The following VIPR2 variants were observed in gnomAD, a reference collection of about 807,000 sequenced individuals.
The protein encoded by VIPR2 is vasoactive intestinal polypeptide receptor 2.
In VIPR2, 48 loss-of-function variants were observed where a neutral mutation model predicts 58.0. The observed-to-expected ratio is 0.83, with a 90% CI of 0.66 to 1.05. The LOEUF (loss-of-function observed/expected upper bound fraction) is 1.05, where lower values mean the gene tolerates loss of function less well. Among genes scored for constraint, VIPR2 ranks in the 50% least tolerant of loss-of-function variants. The pLI is 0.00. For missense variants in VIPR2, 534 were observed against 558.0 expected (o/e 0.96, Z 0.43); for synonymous variants, 243 against 235.2 (o/e 1.03, Z -0.30).
intron 5 of VIPR2, among the ~76,000 whole-genome samples, chr7:159,051,955 G>C (rs1020451726): frequency 1.3e-5 from 2 of 152,126 alleles, no homozygotes; most frequent in African/African-American, 4.8e-5. Context: ...GGTAGAAAAA[G>C]CAGTTAAAAC....
chr7:159,069,776 G>A, intron 4 of VIPR2, among the ~76,000 whole-genome samples: 1 of 151,770 alleles, frequency 6.6e-6, no homozygotes, highest in Non-Finnish European at 1.5e-5. Context: ...ACTTTTTAGA[G>A]TACCTTGTTT....
rs760466869 is a variant in VIPR2, at chr7:159,095,284, T to G, written c.357+8473A>C. On this transcript the variant is annotated intron_variant, in intron 4 of 12. Transcript: ENST00000262178. This position sits in a 1 kb window ranked among gnomAD's most constrained non-coding sequence, Gnocchi z 5.2. ...GAGACCAGCCCTGCTTTTAGGGGATTCCTAACATTTAAGGGGTGAAAAGGC... is the reference window on the plus strand; with the variant it reads ...GAGACCAGCCCTGCTTTTAGGGGATGCCTAACATTTAAGGGGTGAAAAGGC... 1.3e-5 allele frequency among the ~76,000 whole-genome samples: 2 copies of G among 152,200 alleles called. No homozygotes were observed. The highest frequency in any genetic ancestry group is 2.9e-5 in the Non-Finnish European group (2 of 68,034).
At chr7:159,063,792 GTCCT>G (rs1563288598) in intron 4 of VIPR2, among the ~76,000 whole-genome samples, 10 of 102,282 alleles carry the variant, frequency 9.8e-5, no homozygotes, top group African/African-American at 5.3e-4. Flanking sequence ...GGGTCTGGGG[GTCCT>G]GGTGGGGTCC....
chr7:159,107,210 G>A (rs1039471982), intron 3 of VIPR2, among the ~76,000 whole-genome samples: 44 of 152,294 alleles, frequency 2.9e-4, no homozygotes, highest in African/African-American at 8.9e-4. Flanking sequence ...CTGGATGGGC[G>A]GCTGAGCTGC....
At position 159,107,718 on chromosome 7, in the gene VIPR2, CG is replaced by C. The variant is rs1263060558; in HGVS notation, c.259+2093del. Among the ~76,000 whole-genome samples, 6 of 150,098 alleles carry C rather than the reference CG, an allele frequency of 4.0e-5. No individual in the cohort carries two copies. The East Asian group carries it at 1.2e-3, about 29-fold the overall frequency. On this transcript the variant is annotated intron_variant, in intron 3 of 12. Coordinates refer to ENST00000262178, the MANE Select transcript of VIPR2 (RefSeq NM_003382.5). ...ACTGCTGCAGGGCAGGGTTAGGACC[CG>C]GGGAAGGAGCTGCCCACTGCTTCTG...
chr7:159,086,295 T>C (rs1430066049), intron 4 of VIPR2, among the ~76,000 whole-genome samples: 1 of 152,216 alleles, frequency 6.6e-6, no homozygotes, highest in Non-Finnish European at 1.5e-5. Flanking sequence ...AAAGCACAGA[T>C]ATGATCTTGA....
chr7:159,103,761 C>T lies in VIPR2; in HGVS notation c.353G>A (p.Ser118Asn). The change falls in exon 4 of 13, where the codon AGC becomes AAC. Residue 118 changes from serine to asparagine, a missense_variant. Physicochemically the swap from Ser to Asn is conservative, Grantham distance 46 (BLOSUM62 1). Coordinates refer to ENST00000262178, the MANE Select transcript of VIPR2 (RefSeq NM_003382.5). ...TAGCACCACGCAGGAGCCTACCTTG[C>T]TCTCATCCTCCGGGTCGCTGTAGCC... is the stretch of plus-strand genomic sequence containing the variant. ...ACGYSDPEDE[S>N]KITFYILVKA... 6.2e-7 allele frequency: 1 copy of T among 1,613,906 alleles called. No individual in the cohort carries two copies. Among genetic ancestry groups the T allele is most frequent in the Non-Finnish European group, 8.5e-7 (1 of 1,179,816 alleles).
chr7:159,110,887 T>A (rs575660249), intron 2 of VIPR2, among the ~76,000 whole-genome samples: 1 of 152,212 alleles, frequency 6.6e-6, no homozygotes, highest in African/African-American at 2.4e-5. Flanking sequence ...GTTTTGCAGA[T>A]GAAAATAGTT....
At chr7:159,035,655 T>C (rs956386365) in intron 8 of VIPR2, 16 of 979,706 alleles carry the variant, frequency 1.6e-5, no homozygotes, top group Middle Eastern at 1.0e-3. Flanking sequence ...GGCTTTCTTC[T>C]GTGGACATCG....
In VIPR2 at chr7:159,080,733, A is replaced by G. The variant is rs551584321; in HGVS notation, c.358-22155T>C. 2.2e-4 allele frequency among the ~76,000 whole-genome samples: 33 copies of G among 152,312 alleles called. No individual in the cohort carries two copies. In the East Asian group the frequency reaches 6.0e-3, roughly 28 times the overall value. ...CTAGAAAACCCCATTGTCTCAGCCC[A>G]AAATCTCCTTAAGCTGATAAGCAAC... On this transcript the variant is annotated intron_variant, in intron 4 of 12. Transcript: ENST00000262178.
chr7:159,066,338 T>C (rs1458365842), intron 4 of VIPR2, among the ~76,000 whole-genome samples: 3 of 151,424 alleles, frequency 2.0e-5, no homozygotes, highest in African/African-American at 7.3e-5. Context: ...TTCCACAACG[T>C]CTGTGGGATT....
At chr7:159,079,844 C>T (rs915172404) in intron 4 of VIPR2, among the ~76,000 whole-genome samples, 11 of 152,130 alleles carry the variant, frequency 7.2e-5, no homozygotes, top group Admixed American at 2.0e-4. Context: ...AACACCGCTA[C>T]GCAAATAAAC....
chr7:159,101,635 A>G (rs1686531630), intron 4 of VIPR2, among the ~76,000 whole-genome samples: 1 of 146,286 alleles, frequency 6.8e-6, no homozygotes, highest in Non-Finnish European at 1.5e-5. Flanking sequence ...GGGTCTCACG[A>G]GATCCGACGA....
At position 159,031,530 on chromosome 7, in the gene VIPR2, A is replaced by G. The variant is rs1170039895; in HGVS notation, c.1143+298T>C. The G allele has an allele frequency of 3.0e-6, 3 of 985,270 alleles. No individual in the cohort carries two copies. The highest frequency in any genetic ancestry group is 1.2e-4 in the Admixed American group (2 of 16,262). 61.0% of individuals were successfully genotyped at this position (985,270 alleles called of 1,614,324 possible). A position where few individuals can be genotyped will look rare whatever the true frequency, so the allele number is the denominator to read the frequency against. On this transcript the variant is annotated intron_variant, in intron 12 of 12. Transcript: ENST00000262178. The surrounding 1 kb of genome is among the most constrained non-coding windows in gnomAD (Gnocchi z 4.0). Reference sequence around the variant, plus strand: ...AGGAGCGAGACGCCGACCATGGGGAAAAACAGATTCTGTCTAGACCCGGCC... The same window carrying G: ...AGGAGCGAGACGCCGACCATGGGGAGAAACAGATTCTGTCTAGACCCGGCC...
chr7:159,141,859 T>C (rs902012758), intron 2 of VIPR2, among the ~76,000 whole-genome samples: 1 of 152,174 alleles, frequency 6.6e-6, no homozygotes, highest in African/African-American at 2.4e-5. Flanking sequence ...CTTGCTACTA[T>C]TTATAGGCCG....
At chr7:159,032,468 G>T (rs930899030) in intron 10 of VIPR2, among the ~76,000 whole-genome samples, 3 of 152,188 alleles carry the variant, frequency 2.0e-5, no homozygotes, top group Non-Finnish European at 2.9e-5. Flanking sequence ...GCTGCCACAC[G>T]CAGGTTTAAA....
At chr7:159,082,023 T>C (rs1480807187) in intron 4 of VIPR2, among the ~76,000 whole-genome samples, 1 of 152,220 alleles carries the variant, frequency 6.6e-6, no homozygotes, top group Non-Finnish European at 1.5e-5. Flanking sequence ...GGTGGGACTG[T>C]AAACTAGTTC....
intron 2 of VIPR2, among the ~76,000 whole-genome samples, chr7:159,116,544 C>T (rs1206366621): frequency 1.3e-5 from 2 of 152,146 alleles, no homozygotes; most frequent in African/African-American, 4.8e-5. Flanking sequence ...GTGGTGGCTT[C>T]CTAATTTTTG....
In VIPR2 at chr7:159,124,092, A is replaced by G. The variant is rs572829657; in HGVS notation, c.152-14173T>C. 2.6e-5 allele frequency among the ~76,000 whole-genome samples: 4 copies of G among 152,252 alleles called. No individual in the cohort carries two copies. The South Asian group carries it at 6.2e-4, about 24-fold the overall frequency. ...TTGCAAATGTTTTCTCCCATTATGT[A>G]GGTTGTCTGTTTACTCTGTTGATAG... On this transcript the variant is annotated intron_variant, in intron 2 of 12. Coordinates refer to ENST00000262178, the MANE Select transcript of VIPR2 (RefSeq NM_003382.5).
Sources: gnomAD v4.1 joint callset for allele counts (sites outside exome capture counted in the v4.1 genomes callset) on GRCh38, gnomAD v4.1.1 for gene constraint, Gnocchi (gnomAD v3.1) non-coding constraint, MANE v1.5 for transcripts, NCBI Gene and HGNC (gene_info 2026-07-23, HGNC 2026-07-21) for gene names.